Variants in COX15 observed in about 807,000 individuals in gnomAD.
COX15 encodes heme A synthase COX15.
A neutral mutation model predicts 51.9 loss-of-function variants in COX15; 51 were observed. The ratio of observed to expected loss-of-function variants is 0.98; its 90% CI spans 0.78 to 1.24. The LOEUF (loss-of-function observed/expected upper bound fraction) is 1.24. Ranked by LOEUF, COX15 falls within the 50% of genes most tolerant of loss-of-function variation. The pLI, the probability that COX15 is intolerant of heterozygous loss-of-function variation, is 0.00. For missense variants in COX15, 420 were observed against 501.1 expected, an observed-to-expected ratio of 0.84 and a Z score of 1.55; for synonymous variants, 188 against 190.5, an observed-to-expected ratio of 0.99 and a Z score of 0.11.
chr10:99,724,106 A>G lies in COX15; in HGVS notation c.600T>C (p.Tyr200=). The G allele has an allele frequency of 2.5e-6, 4 of 1,614,144 alleles. No homozygotes were observed. The highest frequency in any genetic ancestry group is 3.4e-6 in the Non-Finnish European group (4 of 1,180,016). Residue 200 remains tyrosine, a synonymous_variant, in exon 5 of 9, where the codon TAT becomes TAC. Transcript: ENST00000016171. ...TTTCTTCTAGTCCACTTTTCACCATATACCATCCCAACAGACCCTAGAACC... is the reference window on the plus strand; with the variant it reads ...TTTCTTCTAGTCCACTTTTCACCATGTACCATCCCAACAGACCCTAGAACC... ...LVCFQGLLGW[Y]MVKSGLEEKS...
chr10:99,707,309 T>A (rs1233029614), downstream of COX15, among the ~76,000 whole-genome samples: 2 of 152,192 alleles, frequency 1.3e-5, no homozygotes, highest in Non-Finnish European at 2.9e-5. Flanking sequence ...ACTGAATATT[T>A]ATTATTGGTA....
intron 5 of COX15, among the ~76,000 whole-genome samples, chr10:99,721,918 C>T (rs1164701212): frequency 6.6e-6 from 1 of 152,094 alleles, no homozygotes; most frequent in Non-Finnish European, 1.5e-5. Context: ...GACTGGAGTG[C>T]AGTGGCACAA....
chr10:99,729,886 C>CTTCCAACTGGTT, intron 1 of COX15, 152 bp from the exon 2 acceptor site: 1 of 814,670 alleles, frequency 1.2e-6, no homozygotes. Flanking sequence ...CTGCATCAGC[C>CTTCCAACTGGTT]TTCCAACTGG....
downstream of COX15, chr10:99,710,675 G>T (rs1441841534): frequency 2.0e-6 from 2 of 984,914 alleles, no homozygotes; most frequent in East Asian, 2.3e-4. Context: ...TGTTACATAT[G>T]CTGATATATA....
chr10:99,704,940 C>T, the COX15 span: 2 of 501,636 alleles, frequency 4.0e-6, no homozygotes, highest in African/African-American at 1.9e-5. Flanking sequence ...CCAAGTGAAG[C>T]AGGCTTCGAC....
rs2036379878 is a variant in COX15 at position 99,711,352 on chromosome 10, C to A, written c.*3235G>T. The A allele has an allele frequency of 2.0e-6, 2 of 985,254 alleles. No homozygotes were observed. Among genetic ancestry groups the A allele is most frequent in the African/African-American group, 3.5e-5 (2 of 57,216 alleles). The allele number at this position is 985,254 out of a possible 1,614,324, so 61.0% of individuals were successfully genotyped here. A position where few individuals can be genotyped will look rare whatever the true frequency, so the allele number is the denominator to read the frequency against. On this transcript the variant is annotated 3_prime_UTR_variant, in exon 9 of 9. Transcript: ENST00000016171. Reference sequence around the variant, plus strand: ...TGACTCAGTTACTAACTAAGGACAACCTGGGTTTGAGGATCAGGAGAGGAT... The same window carrying A: ...TGACTCAGTTACTAACTAAGGACAAACTGGGTTTGAGGATCAGGAGAGGAT...
rs1462327275 is a variant in COX15 at position 99,726,944 on chromosome 10, TTCTCAACC to T, written c.582+16_582+23del. 1 of 1,609,582 alleles carries T rather than the reference TTCTCAACC, an allele frequency of 6.2e-7. No individual in the cohort carries two copies. The highest frequency in any genetic ancestry group is 8.5e-7 in the Non-Finnish European group (1 of 1,177,546). On this transcript the variant is annotated intron_variant, in intron 4 of 8. Coordinates refer to ENST00000016171, the MANE Select transcript of COX15 (RefSeq NM_078470.6). ...GGAAGCTCCTGGGAGCATTTCTGGT[TTCTCAACC>T]TTGAATAAATCTTACCTGGAAGCAG...
intron 6 of COX15, 110 bp downstream of exon 6, chr10:99,720,877 G>T: frequency 1.2e-6 from 1 of 838,398 alleles, no homozygotes; most frequent in Non-Finnish European, 2.0e-6. Context: ...GAGAGAAACA[G>T]ATGTGAAAAG....
chr10:99,694,537 T>TG, the COX15 span, among the ~76,000 whole-genome samples: 3 of 65,916 alleles, frequency 4.6e-5, no homozygotes, highest in Non-Finnish European at 9.8e-5. Context: ...TAAGTTTTTT[T>TG]GTTTTTTTTT....
downstream of COX15, among the ~76,000 whole-genome samples, chr10:99,706,805 A>G (rs2036262918): frequency 1.3e-5 from 2 of 152,200 alleles, no homozygotes; most frequent in African/African-American, 4.8e-5. Flanking sequence ...TACTCAGGTA[A>G]CGTTTTCTTT....
At chr10:99,708,660 C>T (rs938546029), downstream of COX15, 14 of 249,712 alleles carry the variant, frequency 5.6e-5, no homozygotes, top group African/African-American at 3.0e-4. Context: ...TTATCCATAA[C>T]CCCTGATGAT....
At chr10:99,700,393 C>CGTGTGTGT in the COX15 span, among the ~76,000 whole-genome samples, 9 of 103,648 alleles carry the variant, frequency 8.7e-5, no homozygotes, top group African/African-American at 3.8e-4. Context: ...TCCAACGTAC[C>CGTGTGTGT]GTGTGTGTGT....
the COX15 span, chr10:99,702,556 A>C: frequency 6.2e-7 from 1 of 1,610,654 alleles, no homozygotes; most frequent in South Asian, 1.1e-5. Context: ...GTCTTACATG[A>C]AGGATTCCAC....
downstream of COX15, chr10:99,709,082 A>G (rs1242930772): frequency 2.0e-6 from 2 of 981,490 alleles, no homozygotes; most frequent in African/African-American, 3.5e-5. Flanking sequence ...TAAATTTTAT[A>G]CATCTTTTTA....
At chr10:99,720,219 T>G (rs1590090283) in intron 6 of COX15, among the ~76,000 whole-genome samples, 1 of 151,880 alleles carries the variant, frequency 6.6e-6, no homozygotes, top group Non-Finnish European at 1.5e-5. Context: ...CTAAGGCGGG[T>G]GGATCACCTG....
At chr10:99,729,433 C>T in intron 2 of COX15, 120 bp downstream of exon 2, 1 of 1,096,372 alleles carries the variant, frequency 9.1e-7, no homozygotes. Flanking sequence ...GCACTCCAGC[C>T]TGGCCAACAG....
the COX15 span, among the ~76,000 whole-genome samples, chr10:99,700,576 AAT>A: frequency 1.3e-5 from 2 of 152,126 alleles, no homozygotes; most frequent in Non-Finnish European, 2.9e-5. Flanking sequence ...AACCAAAAGG[AAT>A]GATTATTTTG....
At chr10:99,708,039 C>T (rs544927520), downstream of COX15, among the ~76,000 whole-genome samples, 3 of 152,214 alleles carry the variant, frequency 2.0e-5, no homozygotes, top group East Asian at 3.9e-4. Context: ...GTTCTTTAAT[C>T]CATGCCCTCC....
chr10:99,718,559 G>A, intron 6 of COX15, 59 bp from the exon 7 acceptor site: 2 of 1,555,346 alleles, frequency 1.3e-6, no homozygotes, highest in South Asian at 2.2e-5. Context: ...CCAAATACTA[G>A]TTCTGATATA....
Sources: gnomAD v4.1 joint callset for allele counts (sites outside exome capture counted in the v4.1 genomes callset) on GRCh38, gnomAD v4.1.1 for gene constraint, MANE v1.5 for transcripts, NCBI Gene and HGNC (gene_info 2026-07-23, HGNC 2026-07-21) for gene names.